PTPRD: variants seen among roughly 807,000 people sequenced by gnomAD.
The protein encoded by PTPRD is protein tyrosine phosphatase receptor type D, also known as receptor-type tyrosine-protein phosphatase delta.
Under a neutral mutation model 214.5 loss-of-function variants are expected in PTPRD, and 34 were observed. The observed-to-expected ratio is 0.16, with a 90% CI of 0.12 to 0.21. The LOEUF (loss-of-function observed/expected upper bound fraction) is 0.21, where lower values mean the gene tolerates loss of function less well. Ranked by LOEUF, PTPRD falls within the 10% of genes least tolerant of loss-of-function variation. The pLI, the probability that PTPRD is intolerant of heterozygous loss-of-function variation, is 1.00. For missense variants in PTPRD, 2,545 were observed against 2,398.7 expected (o/e 1.06, Z -1.27); for synonymous variants, 1,128 against 845.7 (o/e 1.33, Z -5.79).
chr9:9,671,520 G>A (rs942968777), intron 7 of PTPRD, among the ~76,000 whole-genome samples: 42 of 152,184 alleles, frequency 2.8e-4, no homozygotes, highest in African/African-American at 1.0e-3. Flanking sequence ...GGGGCCAGGG[G>A]CAGAATGACA....
intron 10 of PTPRD, among the ~76,000 whole-genome samples, chr9:9,156,511 A>T (rs550645297): frequency 6.6e-6 from 1 of 152,056 alleles, no homozygotes; most frequent in South Asian, 2.1e-4. Context: ...AAATAAATTT[A>T]TTTTTGAAAA....
intron 3 of PTPRD, among the ~76,000 whole-genome samples, chr9:10,298,348 C>A (rs1348443259): frequency 6.6e-6 from 1 of 151,660 alleles, no homozygotes; most frequent in Admixed American, 6.6e-5. Flanking sequence ...ACAAAGGAAC[C>A]TATTTGCCAA....
chr9:8,802,491 A>C (rs577206242), intron 11 of PTPRD, among the ~76,000 whole-genome samples: 7 of 152,336 alleles, frequency 4.6e-5, no homozygotes, highest in African/African-American at 1.7e-4. Context: ...AAGAAAGTGA[A>C]AGGAGATGCA....
At chr9:9,324,494 A>G (rs7470294) in intron 9 of PTPRD, among the ~76,000 whole-genome samples, 111,856 of 151,310 alleles carry the variant, frequency 0.74, 41,577 homozygotes, top group East Asian at 0.93. Flanking sequence ...TCTTCTTTTG[A>G]GAAGTGTCTG....
At chr9:8,652,088 T>A (rs2096824320) in intron 12 of PTPRD, among the ~76,000 whole-genome samples, 1 of 152,130 alleles carries the variant, frequency 6.6e-6, no homozygotes, top group Non-Finnish European at 1.5e-5. Context: ...GCCAGCTAAC[T>A]TTTTCCCCTG....
At chr9:9,788,088 T>C (rs1433894905) in intron 5 of PTPRD, among the ~76,000 whole-genome samples, 3 of 150,838 alleles carry the variant, frequency 2.0e-5, no homozygotes, top group Non-Finnish European at 4.4e-5. Context: ...CCAGCCTGTA[T>C]ACCACTTTTA....
rs570432083 is a variant in PTPRD, at chr9:8,329,313, G to T, written c.5534+2269C>A. On this transcript the variant is annotated intron_variant, in intron 44 of 45. Transcript: ENST00000381196. ...GTAGGTTTGCTGGAGGTCTATTCCAGACGCTGTTTGCCTGGGTATTATCAG... is the reference window on the plus strand; with the variant it reads ...GTAGGTTTGCTGGAGGTCTATTCCATACGCTGTTTGCCTGGGTATTATCAG... Among the ~76,000 whole-genome samples the T allele has an allele frequency of 1.7e-3, 256 of 152,230 alleles. 1 individual carries two copies. Among genetic ancestry groups the T allele is most frequent in the African/African-American group, 5.9e-3 (244 of 41,544 alleles).
intron 9 of PTPRD, among the ~76,000 whole-genome samples, chr9:9,257,551 G>C (rs1480881961): frequency 6.6e-6 from 1 of 151,946 alleles, no homozygotes; most frequent in Admixed American, 6.6e-5. Context: ...CAGCACTTTG[G>C]AAAGCCAAAG....
intron 11 of PTPRD, among the ~76,000 whole-genome samples, chr9:8,767,446 T>C (rs554914537): frequency 2.2e-4 from 33 of 152,208 alleles, no homozygotes; most frequent in African/African-American, 7.5e-4. Flanking sequence ...GTATTTCCCC[T>C]TGTACAACTC....
chr9:9,646,414 A>G (rs1421497706), intron 7 of PTPRD, among the ~76,000 whole-genome samples: 1 of 151,726 alleles, frequency 6.6e-6, no homozygotes, highest in Non-Finnish European at 1.5e-5. Context: ...CCATTGTTGA[A>G]AAACCATTTA....
chr9:9,468,406 G>C (rs559543179), intron 8 of PTPRD, among the ~76,000 whole-genome samples: 22 of 152,106 alleles, frequency 1.4e-4, no homozygotes, highest in African/African-American at 5.1e-4. Context: ...TGTGCATTTA[G>C]TTATATCTGT....
intron 12 of PTPRD, among the ~76,000 whole-genome samples, chr9:8,689,238 G>T (rs2097755943): frequency 6.6e-6 from 1 of 152,282 alleles, no homozygotes; most frequent in East Asian, 1.9e-4. Context: ...AATAAACTGT[G>T]TGGATAGAAA....
At chr9:9,468,023 T>A (rs944223206) in intron 8 of PTPRD, among the ~76,000 whole-genome samples, 10 of 152,152 alleles carry the variant, frequency 6.6e-5, no homozygotes, top group African/African-American at 2.4e-4. Context: ...TTAGGAACTT[T>A]ATACCATGCT....
intron 35 of PTPRD, among the ~76,000 whole-genome samples, chr9:8,431,358 C>G (rs908108051): frequency 4.6e-5 from 7 of 152,112 alleles, no homozygotes; most frequent in African/African-American, 1.7e-4. Flanking sequence ...AAGATGAAAG[C>G]TCCAGAGAAG....
chr9:9,315,367 A>G (rs1167179977), intron 9 of PTPRD, among the ~76,000 whole-genome samples: 1 of 152,016 alleles, frequency 6.6e-6, no homozygotes, highest in Non-Finnish European at 1.5e-5. Flanking sequence ...TATTATTGAC[A>G]ATATTGCTAC....
At chr9:10,342,040 C>T (rs1423272600) in intron 2 of PTPRD, among the ~76,000 whole-genome samples, 1 of 151,958 alleles carries the variant, frequency 6.6e-6, no homozygotes, top group Non-Finnish European at 1.5e-5. Context: ...AATTGTGGTT[C>T]TTGGAATAAA....
chr9:9,822,899 C>A (rs986590262), intron 5 of PTPRD, among the ~76,000 whole-genome samples: 1 of 152,100 alleles, frequency 6.6e-6, no homozygotes, highest in African/African-American at 2.4e-5. Context: ...CTATGAAAAA[C>A]AGAATGGTAC....
intron 8 of PTPRD, among the ~76,000 whole-genome samples, chr9:9,409,498 T>G (rs1569568072): frequency 6.6e-6 from 1 of 151,982 alleles, no homozygotes; most frequent in Non-Finnish European, 1.5e-5. Context: ...TCAAGACCAG[T>G]AACACAGCTG....
intron 3 of PTPRD, among the ~76,000 whole-genome samples, chr9:10,124,218 AAC>A (rs2098798250): frequency 6.6e-6 from 1 of 152,216 alleles, no homozygotes; most frequent in Non-Finnish European, 1.5e-5. Context: ...ATATAATTAA[AAC>A]ACAAGTTAGA....
Sources: gnomAD v4.1 joint callset for allele counts (sites outside exome capture counted in the v4.1 genomes callset) on GRCh38, gnomAD v4.1.1 for gene constraint, MANE v1.5 for transcripts, NCBI Gene and HGNC (gene_info 2026-07-23, HGNC 2026-07-21) for gene names.